FSTL5: variants seen among roughly 807,000 people sequenced by gnomAD.
FSTL5 encodes the protein follistatin-related protein 5.
In FSTL5, 62 loss-of-function variants were observed where a neutral mutation model predicts 89.1. The ratio of observed to expected loss-of-function variants is 0.70; its 90% confidence interval spans 0.57 to 0.86. The LOEUF is 0.86. Among genes scored for constraint, FSTL5 ranks in the 40% least tolerant of loss-of-function variants. The pLI, the probability that FSTL5 is intolerant of heterozygous loss-of-function variation, is 0.00. For synonymous variants in FSTL5, 383 were observed against 346.2 expected, an observed-to-expected ratio of 1.11 and a Z score of -1.18; for missense variants, 1,057 against 1,001.6, an observed-to-expected ratio of 1.06 and a Z score of -0.75.
At chr4:162,027,739 T>A (rs1737352922) in intron 3 of FSTL5, among the ~76,000 whole-genome samples, 1 of 152,014 alleles carries the variant, frequency 6.6e-6, no homozygotes, top group African/African-American at 2.4e-5. Flanking sequence ...AGTTAAGTAT[T>A]TTGAAATGTT....
intron 3 of FSTL5, among the ~76,000 whole-genome samples, chr4:162,021,389 T>C (rs981011908): frequency 6.6e-6 from 1 of 152,196 alleles, no homozygotes; most frequent in Non-Finnish European, 1.5e-5. Context: ...AAGTATTTAA[T>C]CTCCAAGACT....
At chr4:162,042,927 T>C (rs961852570) in intron 2 of FSTL5, among the ~76,000 whole-genome samples, 102 of 120,190 alleles carry the variant, frequency 8.5e-4, no homozygotes, top group Admixed American at 1.5e-3. Flanking sequence ...AGGGGAATAT[T>C]ACACTCTGGT....
At chr4:161,920,280 G>T in intron 4 of FSTL5, 124 bp downstream of exon 4, 2 of 846,422 alleles carry the variant, frequency 2.4e-6, no homozygotes, top group Non-Finnish European at 3.6e-6. Flanking sequence ...GAGTACTTAG[G>T]CTATTTTGTG....
intron 4 of FSTL5, among the ~76,000 whole-genome samples, chr4:161,915,180 T>A (rs1733804240): frequency 6.6e-6 from 1 of 152,196 alleles, no homozygotes; most frequent in African/African-American, 2.4e-5. Flanking sequence ...CTTTTTAGAA[T>A]GATTAATTAA....
At chr4:161,480,963 C>A (rs1729481308) in intron 13 of FSTL5, 57 bp downstream of exon 13, 1 of 1,211,900 alleles carries the variant, frequency 8.3e-7, no homozygotes, top group Admixed American at 2.1e-5. Flanking sequence ...AAGATTACTA[C>A]AATGATATAA....
chr4:161,750,484 A>G (rs1740358430), intron 6 of FSTL5, among the ~76,000 whole-genome samples: 1 of 152,138 alleles, frequency 6.6e-6, no homozygotes, highest in Admixed American at 6.5e-5. Flanking sequence ...ATTAAAATCA[A>G]TTTTGCCTGA....
At chr4:162,021,495 T>C (rs1737083993) in intron 3 of FSTL5, among the ~76,000 whole-genome samples, 1 of 152,162 alleles carries the variant, frequency 6.6e-6, no homozygotes, top group African/African-American at 2.4e-5. Context: ...TGAAACATGG[T>C]AAGAGATTTA....
intron 15 of FSTL5, among the ~76,000 whole-genome samples, chr4:161,448,099 G>A (rs941904929): frequency 6.6e-6 from 1 of 152,108 alleles, no homozygotes; most frequent in African/African-American, 2.4e-5. Flanking sequence ...TTTTGAGAGA[G>A]TGTAGACAGA....
chr4:162,041,727 C>T (rs1333350876), intron 2 of FSTL5: 1 of 151,144 alleles, frequency 6.6e-6, no homozygotes, highest in Non-Finnish European at 1.5e-5. Context: ...AGACCATAAA[C>T]AAGATATCAA....
At chr4:161,717,760 T>C (rs920146434) in intron 6 of FSTL5, among the ~76,000 whole-genome samples, 3 of 152,352 alleles carry the variant, frequency 2.0e-5, no homozygotes, top group South Asian at 4.1e-4. Flanking sequence ...ATGATATTGT[T>C]AAATCATTTC....
intron 10 of FSTL5, among the ~76,000 whole-genome samples, chr4:161,516,000 T>G (rs1730810422): frequency 6.6e-6 from 1 of 151,682 alleles, no homozygotes; most frequent in Admixed American, 6.6e-5. Flanking sequence ...ACACTTCAGG[T>G]GAACTATTAT....
chr4:161,695,480 C>A, intron 6 of FSTL5, among the ~76,000 whole-genome samples: 1 of 145,166 alleles, frequency 6.9e-6, no homozygotes, highest in East Asian at 2.0e-4. Flanking sequence ...AGACATATAT[C>A]ATATATATAT....
At chr4:161,630,765 A>G (rs1294306242) in intron 7 of FSTL5, among the ~76,000 whole-genome samples, 1 of 152,234 alleles carries the variant, frequency 6.6e-6, no homozygotes, top group Non-Finnish European at 1.5e-5. Context: ...TAACAAAATT[A>G]TTCTATTTCT....
rs147554325 is a variant in FSTL5, at chr4:161,800,667, C to T, written c.410-24593G>A. On this transcript the variant is annotated intron_variant, in intron 4 of 15. Coordinates refer to ENST00000306100, the MANE Select transcript of FSTL5 (RefSeq NM_020116.5). Reference sequence around the variant, plus strand: ...AATTACCCCTTCTAAGTGACTGAAACGTAATTGGAAATGTAGAAATTTCAT... The same window carrying T: ...AATTACCCCTTCTAAGTGACTGAAATGTAATTGGAAATGTAGAAATTTCAT... Among the ~76,000 whole-genome samples the T allele has an allele frequency of 2.8e-3, 431 of 151,500 alleles. 4 individuals are homozygous for T. The highest frequency in any genetic ancestry group is 1.0e-2 in the African/African-American group (414 of 41,434).
At chr4:162,091,418 A>C (rs1215558454) in intron 2 of FSTL5, among the ~76,000 whole-genome samples, 2 of 152,136 alleles carry the variant, frequency 1.3e-5, no homozygotes, top group African/African-American at 4.8e-5. Context: ...TTAAACTAAT[A>C]TATTCTCTCT....
At chr4:161,684,952 T>C (rs1737662996) in intron 6 of FSTL5, among the ~76,000 whole-genome samples, 1 of 152,218 alleles carries the variant, frequency 6.6e-6, no homozygotes, top group African/African-American at 2.4e-5. Flanking sequence ...AAGATCCAGT[T>C]TCATTCTCCT....
intron 3 of FSTL5, among the ~76,000 whole-genome samples, chr4:161,941,993 G>C (rs1048388582): frequency 6.6e-6 from 1 of 151,678 alleles, no homozygotes; most frequent in African/African-American, 2.4e-5. Flanking sequence ...AGAAAAACCT[G>C]GACTATTCAG....
At chr4:161,549,374 A>T (rs1196874387) in intron 8 of FSTL5, among the ~76,000 whole-genome samples, 1 of 151,908 alleles carries the variant, frequency 6.6e-6, no homozygotes, top group African/African-American at 2.4e-5. Flanking sequence ...TCAGACAGCT[A>T]TATATAATAT....
At chr4:161,398,118 T>C (rs1731066652) in intron 15 of FSTL5, among the ~76,000 whole-genome samples, 1 of 152,086 alleles carries the variant, frequency 6.6e-6, no homozygotes, top group Admixed American at 6.6e-5. Context: ...AAAGTTAAGT[T>C]GTGACTCTGC....
Sources: gnomAD v4.1 joint callset for allele counts (sites outside exome capture counted in the v4.1 genomes callset) on GRCh38, gnomAD v4.1.1 for gene constraint, MANE v1.5 for transcripts, NCBI Gene and HGNC (gene_info 2026-07-23, HGNC 2026-07-21) for gene names.